The following MTERF2 variants were observed in gnomAD, a reference collection of about 807,000 sequenced individuals.
The protein encoded by MTERF2 is mitochondrial transcription termination factor 2.
Under a neutral mutation model 29.2 loss-of-function variants are expected in MTERF2, and 23 were observed. The observed-to-expected ratio is 0.79, with a 90% CI of 0.57 to 1.12. The LOEUF (loss-of-function observed/expected upper bound fraction) is 1.12. Among genes scored for constraint, MTERF2 ranks in the 50% most tolerant of loss-of-function variants. MTERF2 has a pLI of 0.00. For missense variants in MTERF2, 440 were observed against 429.4 expected (o/e 1.02, Z -0.22); for synonymous variants, 157 against 159.5 (o/e 0.98, Z 0.12).
At chr12:106,983,541 TA>T (rs1370988800) in intron 2 of MTERF2, among the ~76,000 whole-genome samples, 2 of 152,228 alleles carry the variant, frequency 1.3e-5, no homozygotes, top group Non-Finnish European at 2.9e-5. Flanking sequence ...TGATGATCCT[TA>T]CTGCTTTTAA....
chr12:106,986,479 A>G (rs1952119029), intron 1 of MTERF2: 2 of 152,154 alleles, frequency 1.3e-5, no homozygotes, highest in Admixed American at 1.3e-4. Flanking sequence ...ACAAAAAACA[A>G]AAAACCGGCA....
Position 106,987,069 on chromosome 12 carries a change from A to C in MTERF2, c.-269T>G, listed in dbSNP as rs761159513. On this transcript the variant is annotated 5_prime_UTR_variant, in exon 1 of 3. Coordinates refer to ENST00000240050, the MANE Select transcript of MTERF2 (RefSeq NM_001033050.3). ...GCCTCCCCACAGTCCGCAGTCCCCG[A>C]GGCCTGGAGCCGGGATTTCGGTCCT... The C allele has an allele frequency of 6.6e-6, 1 of 152,592 alleles. No homozygotes were observed. The highest frequency in any genetic ancestry group is 1.5e-5 in the Non-Finnish European group (1 of 68,372). The allele number at this position is 152,592 out of a possible 1,614,324, so 9.5% of individuals were successfully genotyped here. A position where few individuals can be genotyped will look rare whatever the true frequency, so the allele number is the denominator to read the frequency against.
intron 2 of MTERF2, among the ~76,000 whole-genome samples, chr12:106,984,528 T>C (rs569245244): frequency 6.6e-6 from 1 of 152,250 alleles, no homozygotes; most frequent in African/African-American, 2.4e-5. Context: ...AAGTGTCGAT[T>C]ACAGGCGTGA....
At position 106,978,405 on chromosome 12, in the gene MTERF2, C is replaced by G. The variant is rs199833664; in HGVS notation, c.310G>C (p.Ala104Pro). The G allele has an allele frequency of 7.0e-5, 113 of 1,614,210 alleles. No individual in the cohort carries two copies. The highest frequency in any genetic ancestry group is 8.3e-5 in the Admixed American group (5 of 60,024). Residue 104 changes from alanine (A) to proline (P), a missense_variant, in exon 3 of 3, where the codon GCA becomes CCA. Transcript: ENST00000240050. ...ACAGCGGTTGGACTACAGACAATTG[C>G]TTCCGGGCAGCGTTCCAAAATACTG... ...VASILERCPEAIVCSPTAVNT... is the reference protein window; with the variant it reads ...VASILERCPEPIVCSPTAVNT...
chr12:106,982,918 T>C (rs1566233661), intron 2 of MTERF2, among the ~76,000 whole-genome samples: 1 of 152,190 alleles, frequency 6.6e-6, no homozygotes, highest in Non-Finnish European at 1.5e-5. Context: ...CTAATTTAAC[T>C]TCTTTTTATT....
Position 106,978,171 on chromosome 12 carries a change from C to T in MTERF2, c.544G>A (p.Glu182Lys). Residue 182 changes from glutamate to lysine, a missense_variant, in exon 3 of 3, where the codon GAG (glutamate) becomes AAG (lysine). By Grantham distance (56) the Glu-to-Lys change is moderately conservative (BLOSUM62 1). Coordinates refer to ENST00000240050, the MANE Select transcript of MTERF2 (RefSeq NM_001033050.3). ...ATTCTTACCATTTGCTTATTCTTCTCAACAGGATTATGAAAAACATTAGGT... is the reference window on the plus strand; with the variant it reads ...ATTCTTACCATTTGCTTATTCTTCTTAACAGGATTATGAAAAACATTAGGT... ...AAPNVFHNPV[E>K]KNKQMVRILQ... The T allele has an allele frequency of 6.2e-7, 1 of 1,614,030 alleles. No homozygotes were observed. The highest frequency in any genetic ancestry group is 8.5e-7 in the Non-Finnish European group (1 of 1,180,024).
intron 1 of MTERF2, chr12:106,985,641 C>T (rs1295022978): frequency 6.6e-6 from 1 of 152,286 alleles, no homozygotes; most frequent in African/African-American, 2.4e-5. Flanking sequence ...CACAGTGTTC[C>T]AATGAACTGC....
In MTERF2 at chr12:106,978,021, C is replaced by G. The variant is rs1201710577; in HGVS notation, c.694G>C (p.Glu232Gln). The change falls in exon 3 of 3, where the codon GAA becomes CAA. Residue 232 changes from glutamate to glutamine, a missense_variant. Physicochemically the swap from Glu to Gln is conservative, Grantham distance 29. Transcript: ENST00000240050. The stretch of plus-strand genomic sequence containing the variant: ...GTGAAACCTTGCTCCTGGAGAAATT[C>G]TAGTGTTTCCTTTATAGCTGTGGGA... ...NSPTAIKETLEFLQEQGFTSF... is the reference protein window; with the variant it reads ...NSPTAIKETLQFLQEQGFTSF... The G allele has an allele frequency of 1.2e-5, 20 of 1,614,138 alleles. No individual in the cohort carries two copies. Among genetic ancestry groups the G allele is most frequent in the Non-Finnish European group, 1.5e-5 (18 of 1,180,004 alleles).
At chr12:106,980,569 T>C (rs1320753151) in intron 2 of MTERF2, 1 of 152,228 alleles carries the variant, frequency 6.6e-6, no homozygotes, top group African/African-American at 2.4e-5. Context: ...ATGAACTCCT[T>C]CACCACTATT....
rs775235334 is a variant in MTERF2, at chr12:106,977,583, C to T, written c.1132G>A (p.Val378Met). The T allele has an allele frequency of 3.1e-6, 5 of 1,612,306 alleles. No homozygotes were observed. The highest frequency in any genetic ancestry group is 4.2e-6 in the Non-Finnish European group (5 of 1,179,208). Residue 378 changes from valine (V) to methionine (M), a missense_variant, in exon 3 of 3, where the codon GTG becomes ATG. Transcript: ENST00000240050. ...AKKVRPLFNPVAPLNVEE is the reference protein window; with the variant it reads ...AKKVRPLFNPMAPLNVEE ...CATTCTTCAACATTTAATGGTGCCACAGGGTTAAATAATGGCCTTACTTTT... is the reference window on the plus strand; with the variant it reads ...CATTCTTCAACATTTAATGGTGCCATAGGGTTAAATAATGGCCTTACTTTT...
intron 2 of MTERF2, among the ~76,000 whole-genome samples, chr12:106,980,134 G>C (rs1228932659): frequency 6.6e-6 from 1 of 152,136 alleles, no homozygotes; most frequent in Non-Finnish European, 1.5e-5. Context: ...TTGACCTCGT[G>C]ATCTGCCCGT....
chr12:106,977,537 A>C lies in MTERF2; in HGVS notation c.*20T>G. 1 of 1,581,696 alleles carries C rather than the reference A, an allele frequency of 6.3e-7. No homozygotes were observed. The highest frequency in any genetic ancestry group is 8.6e-7 in the Non-Finnish European group (1 of 1,166,812). On this transcript the variant is annotated 3_prime_UTR_variant, in exon 3 of 3. Transcript: ENST00000240050. ...AGTTTCACCCTGCACTGCTAGAAAG[A>C]AGCAACAACAGTCAGTATGTCATTC...
rs1173956487 is a variant in MTERF2, at chr12:106,985,226, C to G, written c.-168-1G>C. On this transcript the variant is annotated splice_acceptor_variant, in intron 1 of 2. Coordinates refer to ENST00000240050, the MANE Select transcript of MTERF2 (RefSeq NM_001033050.3). LOFTEE classifies it low-confidence loss of function (5UTR_SPLICE). ...GATCTTGTCAGTTCCCTGCAATAAACTTGCCAATGGCATTTTAGGATAAAG... is the reference window on the plus strand; with the variant it reads ...GATCTTGTCAGTTCCCTGCAATAAAGTTGCCAATGGCATTTTAGGATAAAG... 6.6e-6 allele frequency: 1 copy of G among 152,252 alleles called. No homozygotes were observed. Among genetic ancestry groups the G allele is most frequent in the Non-Finnish European group, 1.5e-5 (1 of 68,046 alleles). The allele number at this position is 152,252 out of a possible 1,614,324, so 9.4% of individuals were successfully genotyped here.
Position 106,978,138 on chromosome 12 carries a change from CTT to C in MTERF2, c.575_576del (p.Gln192ArgfsTer10). 6.2e-7 allele frequency: 1 copy of C among 1,614,104 alleles called. No homozygotes were observed. Among genetic ancestry groups the C allele is most frequent in the South Asian group, 1.1e-5 (1 of 91,044 alleles). On this transcript the variant is annotated frameshift_variant, in exon 3 of 3. Coordinates refer to ENST00000240050, the MANE Select transcript of MTERF2 (RefSeq NM_001033050.3). LOFTEE classifies it high-confidence loss of function. ...GAGCCACCTACATCTAGATAACTCTCTTGGAGAATTCTTACCATTTGCTTATT... is the reference window on the plus strand; with the variant it reads ...GAGCCACCTACATCTAGATAACTCTCGGAGAATTCTTACCATTTGCTTATT... Reference protein sequence around the residue: ...EKNKQMVRILQESYLDVGGSE... With the variant: ...EKNKQMVRILXESYLDVGGSE...
intron 2 of MTERF2, among the ~76,000 whole-genome samples, chr12:106,982,405 G>A (rs529831759): frequency 6.6e-6 from 1 of 152,224 alleles, no homozygotes; most frequent in African/African-American, 2.4e-5. Context: ...GATGTGTTCA[G>A]ATGAGTCGTC....
Position 106,977,872 on chromosome 12 carries a change from C to T in MTERF2, c.843G>A (p.Leu281=), listed in dbSNP as rs373825065. ...KNAFKCTDHD[L]KQLVLKCPAL... ...CAGGACATTTCAAAACTAATTGCTT[C>T]AGGTCATGATCTGTGCATTTAAAAG... Residue 281 remains leucine (L), a synonymous_variant, in exon 3 of 3, where the codon CTG becomes CTA. Coordinates refer to ENST00000240050, the MANE Select transcript of MTERF2 (RefSeq NM_001033050.3). The T allele has an allele frequency of 6.8e-6, 11 of 1,613,840 alleles. No individual in the cohort carries two copies. The highest frequency in any genetic ancestry group is 5.3e-5 in the African/African-American group (4 of 74,906).
chr12:106,977,919 T>A lies in MTERF2; in HGVS notation c.796A>T (p.Ser266Cys), dbSNP rs780030464. 1.9e-6 allele frequency: 3 copies of A among 1,614,016 alleles called. No homozygotes were observed. Among genetic ancestry groups the A allele is most frequent in the Non-Finnish European group, 2.5e-6 (3 of 1,180,020 alleles). The change falls in exon 3 of 3, where the codon AGT becomes TGT. Residue 266 changes from serine to cysteine, a missense_variant. By Grantham distance (112) the Ser-to-Cys change is moderately radical. Transcript: ENST00000240050. ...FQLCPRSIQN[S>C]ISFSKNAFKC... is the part of the protein sequence containing the mutation. ...AAAGCATTTTTAGAGAAGGAAATAC[T>A]ATTCTGTATACTTCTTGGGCAAAGT...
At position 106,977,470 on chromosome 12, in the gene MTERF2, A is replaced by G. The variant is rs904962800; in HGVS notation, c.*87T>C. The G allele has an allele frequency of 4.2e-6, 5 of 1,181,918 alleles. No homozygotes were observed. Among genetic ancestry groups the G allele is most frequent in the Non-Finnish European group, 6.0e-6 (5 of 838,406 alleles). 73.2% of individuals were successfully genotyped at this position (1,181,918 alleles called of 1,614,324 possible). A position where few individuals can be genotyped will look rare whatever the true frequency, so the allele number is the denominator to read the frequency against. ...AGAAGCTAAGCAGGTTCTTAAAATTACTGGTGTCTACAAACTGCCTGAATT... is the reference window on the plus strand; with the variant it reads ...AGAAGCTAAGCAGGTTCTTAAAATTGCTGGTGTCTACAAACTGCCTGAATT... On this transcript the variant is annotated 3_prime_UTR_variant, in exon 3 of 3. Coordinates refer to ENST00000240050, the MANE Select transcript of MTERF2 (RefSeq NM_001033050.3).
rs1379814493 is a variant in MTERF2, at chr12:106,977,979, G to A, written c.736C>T (p.Gln246Ter). The A allele has an allele frequency of 2.5e-6, 4 of 1,614,052 alleles. No individual in the cohort carries two copies. Among genetic ancestry groups the A allele is most frequent in the African/African-American group, 1.3e-5 (1 of 74,934 alleles). ...AATCCTTTGAGTTTGGATAGAAGCT[G>A]GAGAATTTCAAAGCTGGTGAAACCT... ...EQGFTSFEIL[Q>*]LLSKLKGFLF... Residue 246 changes from glutamine (Q) to a stop codon, truncating the protein, a stop_gained, in exon 3 of 3, where the codon CAG becomes TAG. Transcript: ENST00000240050. LOFTEE classifies it high-confidence loss of function.
Sources: allele counts gnomAD v4.1 joint callset (sites outside exome capture counted in the v4.1 genomes callset), GRCh38; gene constraint gnomAD v4.1.1; transcripts MANE v1.5; gene names NCBI Gene and HGNC (gene_info 2026-07-23, HGNC 2026-07-21).